Variants in FCRL3 observed in about 807,000 individuals in gnomAD.
The protein encoded by FCRL3 is Fc receptor like 3.
A neutral mutation model predicts 75.0 loss-of-function variants in FCRL3; 89 were observed. The observed-to-expected ratio is 1.19, with a 90% CI of 1.00 to 1.42. The LOEUF is 1.42. Among genes scored for constraint, FCRL3 ranks in the 40% most tolerant of loss-of-function variants. The pLI is 0.00. For missense variants in FCRL3, 946 were observed against 880.0 expected, an observed-to-expected ratio of 1.07 and a Z score of -0.95; for synonymous variants, 376 against 348.5, an observed-to-expected ratio of 1.08 and a Z score of -0.88.
chr1:157,695,890 T>C (rs78605162), intron 7 of FCRL3, 150 bp downstream of exon 7: 76,291 of 549,302 alleles, frequency 0.14, 7,290 homozygotes, highest in Admixed American at 0.17. Context: ...TAAATATCTC[T>C]CTCTCTCTCT....
intron 8 of FCRL3, among the ~76,000 whole-genome samples, chr1:157,692,486 T>C (rs1434956337): frequency 6.6e-6 from 1 of 152,188 alleles, no homozygotes; most frequent in Non-Finnish European, 1.5e-5. Context: ...CAATCCTTCC[T>C]TGGCCTCCCA....
chr1:157,683,148 AC>A, intron 11 of FCRL3, 68 bp downstream of exon 11: 8 of 1,516,038 alleles, frequency 5.3e-6, no homozygotes, highest in Non-Finnish European at 7.2e-6. Flanking sequence ...TTAAAAAAAA[AC>A]ATAAACAAGT....
In FCRL3 at chr1:157,681,027, G is replaced by A. The variant is rs1654804709; in HGVS notation, c.1911C>T (p.His637=). The change falls in exon 12 of 15, where the codon CAC becomes CAT. Residue 637 remains histidine, a synonymous_variant. Coordinates refer to ENST00000368184, the MANE Select transcript of FCRL3 (RefSeq NM_052939.4). ...GCTCCATTGGGGCTAGTGGTTTAGAGTGAGTGGGCTCTTGAGGGTCTATCC... is the reference window on the plus strand; with the variant it reads ...GCTCCATTGGGGCTAGTGGTTTAGAATGAGTGGGCTCTTGAGGGTCTATCC... ...PSRIDPQEPT[H]SKPLAPMELE... is the part of the protein sequence containing the mutation. 1 of 1,607,024 alleles carries A rather than the reference G, an allele frequency of 6.2e-7. No individual in the cohort carries two copies. The highest frequency in any genetic ancestry group is 8.5e-7 in the Non-Finnish European group (1 of 1,177,518).
Position 157,691,201 on chromosome 1 carries a change from A to C in FCRL3, c.1412-668T>G, listed in dbSNP as rs559600955. On this transcript the variant is annotated intron_variant, in intron 8 of 14. Transcript: ENST00000368184. Reference sequence around the variant, plus strand: ...CTGAAGTGAACCAAACTGTCAAAAAAAATCCAGATATAGCTCTAGCAACAA... The same window carrying C: ...CTGAAGTGAACCAAACTGTCAAAAACAATCCAGATATAGCTCTAGCAACAA... 8.5e-5 allele frequency among the ~76,000 whole-genome samples: 13 copies of C among 152,350 alleles called. No homozygotes were observed. In the East Asian group the frequency reaches 2.5e-3, roughly 29 times the overall value.
At position 157,680,726 on chromosome 1, in the gene FCRL3, T is replaced by C; in HGVS notation, c.2002A>G (p.Ile668Val). ...CCTGAGTTTTCTTTTGTATGCTGGA[T>C]GCTCCAGATCTGGGAATAAATCGGG... The part of the protein sequence containing the change: ...SNPIYSQIWS[I>V]QHTKENSANC... The change falls in exon 13 of 15, where the codon ATC becomes GTC. Residue 668 changes from isoleucine (I) to valine (V), a missense_variant. Physicochemically the swap from Ile to Val is conservative, Grantham distance 29. Coordinates refer to ENST00000368184, the MANE Select transcript of FCRL3 (RefSeq NM_052939.4). 1.2e-6 allele frequency: 2 copies of C among 1,614,116 alleles called. No individual in the cohort carries two copies. The highest frequency in any genetic ancestry group is 1.7e-6 in the Non-Finnish European group (2 of 1,179,962).
Position 157,678,839 on chromosome 1 carries a change from A to C in FCRL3, c.2076T>G (p.Tyr692Ter). The C allele has an allele frequency of 1.2e-6, 2 of 1,614,032 alleles. No individual in the cohort carries two copies. The highest frequency in any genetic ancestry group is 1.7e-6 in the Non-Finnish European group (2 of 1,179,994). Residue 692 changes from tyrosine to a stop codon, truncating the protein, a stop_gained, in exon 15 of 15, where the codon TAT becomes TAG. Transcript: ENST00000368184. LOFTEE classifies it low-confidence loss of function (END_TRUNC). ...CTGGGTGTGTCTTCTTCAGTTCTGA[A>C]TAGAGGACTGTAAGTTCCTGGTAGA... is the stretch of plus-strand genomic sequence containing the variant. The part of the protein sequence containing the change: ...HQEHEELTVL[Y>*]SELKKTHPDD...
Position 157,680,694 on chromosome 1 carries a change from C to T in FCRL3, c.2026+8G>A. ...ACCTCACCTCTATTTGCCTGAAAGG[C>T]ATCTTACCTGAGTTTTCTTTTGTAT... On this transcript the variant is annotated splice_region_variant and intron_variant, in intron 13 of 14. Coordinates refer to ENST00000368184, the MANE Select transcript of FCRL3 (RefSeq NM_052939.4). The T allele has an allele frequency of 6.2e-7, 1 of 1,613,450 alleles. No individual in the cohort carries two copies.
intron 8 of FCRL3, among the ~76,000 whole-genome samples, chr1:157,693,857 C>T (rs575073463): frequency 6.6e-6 from 1 of 152,032 alleles, no homozygotes; most frequent in African/African-American, 2.4e-5. Context: ...AAGTGGTCCT[C>T]CCACCTCAGC....
intron 8 of FCRL3, among the ~76,000 whole-genome samples, chr1:157,694,532 C>T (rs1178483015): frequency 1.3e-5 from 2 of 152,152 alleles, no homozygotes; most frequent in Non-Finnish European, 2.9e-5. Flanking sequence ...TACCATATCT[C>T]TCTTATTTTG....
Position 157,690,999 on chromosome 1 carries a change from CTATGTATGTATG to C in FCRL3, c.1412-478_1412-467del, listed in dbSNP as rs57070872. Reference sequence around the variant, plus strand: ...GCATTTAGCACTACCTGACATCTGTCTATGTATGTATGTATGTATGTATGTATGTATGTATGT... The same window carrying C: ...GCATTTAGCACTACCTGACATCTGTCTATGTATGTATGTATGTATGTATGT... On this transcript the variant is annotated intron_variant, in intron 8 of 14. Coordinates refer to ENST00000368184, the MANE Select transcript of FCRL3 (RefSeq NM_052939.4). Among the ~76,000 whole-genome samples the C allele has an allele frequency of 2.0e-4, 30 of 148,998 alleles. 1 individual carries two copies. Among genetic ancestry groups the C allele is most frequent in the Middle Eastern group, 6.8e-3 (2 of 294 alleles).
At chr1:157,700,859 C>T (rs550618944), upstream of FCRL3, 207 of 589,428 alleles carry the variant, frequency 3.5e-4, 1 homozygote, top group Non-Finnish European at 4.6e-4. Flanking sequence ...CCCTTCACTA[C>T]CTTGTCTTCA....
intron 8 of FCRL3, among the ~76,000 whole-genome samples, chr1:157,693,191 C>A (rs369691233): frequency 1.4e-5 from 2 of 145,544 alleles, no homozygotes; most frequent in Non-Finnish European, 3.0e-5. Context: ...AGAAGAATCG[C>A]TTGAACCTGG....
intron 10 of FCRL3, among the ~76,000 whole-genome samples, chr1:157,684,655 T>C (rs540041406): frequency 1.4e-4 from 22 of 152,282 alleles, no homozygotes; most frequent in African/African-American, 5.1e-4. Flanking sequence ...TTTACCTAGG[T>C]TGTGTCATAG....
chr1:157,688,148 C>T (rs555841379), intron 10 of FCRL3, among the ~76,000 whole-genome samples: 44 of 151,940 alleles, frequency 2.9e-4, no homozygotes, highest in African/African-American at 9.2e-4. Context: ...AGGCAGACTA[C>T]AATATTAAAC....
intron 11 of FCRL3, 90 bp downstream of exon 11, chr1:157,683,126 AT>A (rs1471442007): frequency 9.3e-5 from 131 of 1,406,612 alleles, no homozygotes; most frequent in Non-Finnish European, 1.2e-4. Flanking sequence ...CTACTAGGAA[AT>A]CCATTGAAAT....
chr1:157,676,855 T>C lies in FCRL3; in HGVS notation c.*1855A>G. On this transcript the variant is annotated 3_prime_UTR_variant, in exon 15 of 15. Coordinates refer to ENST00000368184, the MANE Select transcript of FCRL3 (RefSeq NM_052939.4). ...GCACAAAGGGGCTTGGCAAGGTAAT[T>C]CCAAATCAGCAGCAGGGTTAGAAAG... 1 of 1,537,156 alleles carries C rather than the reference T, an allele frequency of 6.5e-7. No homozygotes were observed. The highest frequency in any genetic ancestry group is 1.4e-5 in the African/African-American group (1 of 72,734).
Position 157,697,855 on chromosome 1 carries a change from C to T in FCRL3, c.363G>A (p.Gln121=), listed in dbSNP as rs1360571217. The T allele has an allele frequency of 1.2e-6, 2 of 1,613,998 alleles. No individual in the cohort carries two copies. The highest frequency in any genetic ancestry group is 3.3e-5 in the Admixed American group (2 of 59,994). ...FEGDNVILRC[Q]GKDNKNTHQK... ...GATGAGTGTTTTTGTTGTCTTTCCC[C>T]TGACATCTCAGAATGACATTGTCTC... Residue 121 remains glutamine, a synonymous_variant, in exon 5 of 15, where the codon CAG becomes CAA. Coordinates refer to ENST00000368184, the MANE Select transcript of FCRL3 (RefSeq NM_052939.4).
Position 157,700,679 on chromosome 1 carries a change from G to T in FCRL3, c.-114C>A. On this transcript the variant is annotated 5_prime_UTR_variant, in exon 1 of 15. Coordinates refer to ENST00000368184, the MANE Select transcript of FCRL3 (RefSeq NM_052939.4). ...GTGGCTACCTTCCTAAATGCTGTTTGTATCTCAATCCCGGTAGTGATACAT... is the reference window on the plus strand; with the variant it reads ...GTGGCTACCTTCCTAAATGCTGTTTTTATCTCAATCCCGGTAGTGATACAT... 1 of 1,457,506 alleles carries T rather than the reference G, an allele frequency of 6.9e-7. No homozygotes were observed. Among genetic ancestry groups the T allele is most frequent in the Non-Finnish European group, 9.1e-7 (1 of 1,102,076 alleles). 90.3% of individuals were successfully genotyped at this position (1,457,506 alleles called of 1,614,324 possible).
chr1:157,699,740 G>A, intron 2 of FCRL3, 28 bp from the exon 3 acceptor site: 1 of 1,611,776 alleles, frequency 6.2e-7, no homozygotes, highest in Non-Finnish European at 8.5e-7. Context: ...ATGACAATCA[G>A]ACACTCTCCG....
Sources: gnomAD v4.1 joint callset for allele counts (sites outside exome capture counted in the v4.1 genomes callset) on GRCh38, gnomAD v4.1.1 for gene constraint, MANE v1.5 for transcripts, NCBI Gene and HGNC (gene_info 2026-07-23, HGNC 2026-07-21) for gene names.